Variants in LPP observed in about 807,000 individuals in gnomAD.
The protein encoded by LPP is LIM domain containing preferred translocation partner in lipoma.
LPP carries 38 observed loss-of-function variants against 60.4 expected under a neutral mutation model. The observed-to-expected ratio is 0.63, with a 90% CI of 0.49 to 0.83. LPP has a LOEUF of 0.83. Among genes scored for constraint, LPP ranks in the 40% least tolerant of loss-of-function variants. The probability of loss-of-function intolerance (pLI) is 0.00; values close to 1 mark genes in which losing one functional copy is unlikely to be tolerated. For missense variants in LPP, 902 were observed against 783.6 expected, an observed-to-expected ratio of 1.15 and a Z score of -1.80; for synonymous variants, 328 against 290.8, an observed-to-expected ratio of 1.13 and a Z score of -1.30.
chr3:188,679,169 G>GT (rs1383095899), intron 7 of LPP, among the ~76,000 whole-genome samples: 1 of 152,206 alleles, frequency 6.6e-6, no homozygotes, highest in Non-Finnish European at 1.5e-5. Context: ...AACAAGCCAT[G>GT]TGACTGTGGA....
Position 188,533,911 on chromosome 3 carries a change from T to A in LPP, c.429+9124T>A, listed in dbSNP as rs140550119. On this transcript the variant is annotated intron_variant, in intron 6 of 11. Transcript: ENST00000617246. ...TAACATTTATACCTCATCATTTTTT[T>A]AGAAGATGATGTGTTTGTGTCATGC... 2.0e-3 allele frequency among the ~76,000 whole-genome samples: 312 copies of A among 152,364 alleles called. 4 individuals are homozygous for A. Among genetic ancestry groups the A allele is most frequent in the African/African-American group, 7.1e-3 (296 of 41,584 alleles).
In LPP at chr3:188,881,403, T is replaced by C. The variant is rs953431589; in HGVS notation, c.*6924T>C. ...ATGTCCTATCACTCTCTGCTGCTTCTTTAAACAGTGGACACAAACATATTT... is the reference window on the plus strand; with the variant it reads ...ATGTCCTATCACTCTCTGCTGCTTCCTTAAACAGTGGACACAAACATATTT... On this transcript the variant is annotated 3_prime_UTR_variant, in exon 12 of 12. Coordinates refer to ENST00000617246, the MANE Select transcript of LPP (RefSeq NM_001375462.1). 1 of 204,330 alleles carries C rather than the reference T, an allele frequency of 4.9e-6. No individual in the cohort carries two copies. Among genetic ancestry groups the C allele is most frequent in the South Asian group, 1.9e-4 (1 of 5,294 alleles). The allele number at this position is 204,330 out of a possible 1,614,324, so 12.7% of individuals were successfully genotyped here. A position where few individuals can be genotyped will look rare whatever the true frequency, so the allele number is the denominator to read the frequency against.
intron 8 of LPP, chr3:188,708,949 G>A (rs896352725): frequency 6.6e-6 from 1 of 152,508 alleles, no homozygotes; most frequent in Non-Finnish European, 1.5e-5. Context: ...CTTCCCATTA[G>A]GCAGAAATAG....
intron 1 of LPP, among the ~76,000 whole-genome samples, chr3:188,193,188 G>A (rs953474339): frequency 6.6e-6 from 1 of 152,200 alleles, no homozygotes; most frequent in African/African-American, 2.4e-5. Flanking sequence ...GTGTTGGTTT[G>A]TGTGTCTTTC....
chr3:188,627,932 A>AATAAAAAT (rs1449447363), intron 7 of LPP, among the ~76,000 whole-genome samples: 6 of 152,194 alleles, frequency 3.9e-5, no homozygotes, highest in Non-Finnish European at 8.8e-5. Context: ...ACCACAGTGC[A>AATAAAAAT]ATAAAAATAT....
intron 2 of LPP, among the ~76,000 whole-genome samples, chr3:188,249,063 A>C (rs1415625398): frequency 1.3e-5 from 2 of 152,108 alleles, no homozygotes; most frequent in African/African-American, 4.8e-5. Flanking sequence ...GTTTTAGAAG[A>C]AGAAATTTTA....
At chr3:188,835,328 G>T (rs913704397) in intron 9 of LPP, among the ~76,000 whole-genome samples, 3 of 150,980 alleles carry the variant, frequency 2.0e-5, no homozygotes, top group African/African-American at 7.3e-5. Flanking sequence ...AATCAGCTGG[G>T]CATGGTGGCA....
At chr3:188,334,580 G>T (rs1307540247) in intron 2 of LPP, among the ~76,000 whole-genome samples, 1 of 151,862 alleles carries the variant, frequency 6.6e-6, no homozygotes, top group Admixed American at 6.6e-5. Context: ...ACAGACGCGC[G>T]CTACCACGCC....
intron 5 of LPP, among the ~76,000 whole-genome samples, chr3:188,509,679 TTC>T (rs559214560): frequency 0.29 from 20,063 of 69,334 alleles, 2,546 homozygotes; most frequent in Non-Finnish European, 0.37. Context: ...CCTTCCTTCC[TTC>T]CTTCCTCTCT....
At chr3:188,607,236 A>G (rs967025018) in intron 6 of LPP, among the ~76,000 whole-genome samples, 2 of 151,176 alleles carry the variant, frequency 1.3e-5, no homozygotes, top group Non-Finnish European at 3.0e-5. Context: ...GCTTTCTTCT[A>G]GGAAATACCT....
intron 3 of LPP, among the ~76,000 whole-genome samples, chr3:188,386,818 G>A (rs997033361): frequency 1.3e-5 from 2 of 152,120 alleles, no homozygotes; most frequent in Non-Finnish European, 2.9e-5. Context: ...AAAGCATTTT[G>A]CAGGGTTTTC....
intron 7 of LPP, among the ~76,000 whole-genome samples, chr3:188,696,222 A>ACTCT (rs147482649): frequency 2.2e-3 from 335 of 148,910 alleles, no homozygotes; most frequent in African/African-American, 7.7e-3. Context: ...AGCACACAGT[A>ACTCT]CTCTCTCTCT....
Position 188,760,100 on chromosome 3 carries a change from C to CT in LPP, c.1241-5dup, listed in dbSNP as rs201346745. ...CTCCTTGGTGTGTTCTTATCAAACC[C>CT]TTTTTTTTCCAGGCCGCTGTGCTCG... On this transcript the variant is annotated splice_polypyrimidine_tract_variant and intron_variant, in intron 8 of 11. Coordinates refer to ENST00000617246, the MANE Select transcript of LPP (RefSeq NM_001375462.1). The CT allele has an allele frequency of 2.7e-4, 429 of 1,611,932 alleles. 3 individuals are homozygous for CT. The highest frequency in any genetic ancestry group is 2.0e-3 in the Admixed American group (118 of 59,910).
In LPP at chr3:188,378,508, G is replaced by A. The variant is rs368071351; in HGVS notation, c.-9-27604G>A. Among the ~76,000 whole-genome samples, 24 of 152,304 alleles carry A rather than the reference G, an allele frequency of 1.6e-4. 3 individuals are homozygous for A. The highest frequency in any genetic ancestry group is 3.9e-4 in the East Asian group (2 of 5,178). On this transcript the variant is annotated intron_variant, in intron 3 of 11. Coordinates refer to ENST00000617246, the MANE Select transcript of LPP (RefSeq NM_001375462.1). ...AGACTCCATGGGCTTAGGACCCTCC[G>A]AGCCAGGTGGGGGATATAATCTCCT...
chr3:188,693,645 C>A (rs1327847413), intron 7 of LPP, among the ~76,000 whole-genome samples: 3 of 152,160 alleles, frequency 2.0e-5, no homozygotes, highest in Non-Finnish European at 4.4e-5. Flanking sequence ...GGCACCAGCG[C>A]AGCCCGACAG....
chr3:188,460,423 C>T (rs1798720214), intron 4 of LPP, among the ~76,000 whole-genome samples: 1 of 152,098 alleles, frequency 6.6e-6, no homozygotes, highest in South Asian at 2.1e-4. Flanking sequence ...ATATTTCATC[C>T]AGGAGAAGTT....
At chr3:188,608,058 C>A (rs1215248670) in intron 6 of LPP, among the ~76,000 whole-genome samples, 1 of 152,088 alleles carries the variant, frequency 6.6e-6, no homozygotes. Flanking sequence ...GTCCCCCAGT[C>A]TGGTAGAGAA....
chr3:188,611,166 G>T (rs1383736515), intron 7 of LPP, among the ~76,000 whole-genome samples: 1 of 152,214 alleles, frequency 6.6e-6, no homozygotes, highest in African/African-American at 2.4e-5. Context: ...AGTGGGGACT[G>T]TGAAGAGCTG....
chr3:188,751,661 T>C (rs1316469769), intron 8 of LPP, among the ~76,000 whole-genome samples: 3 of 152,200 alleles, frequency 2.0e-5, no homozygotes, highest in Admixed American at 6.5e-5. Flanking sequence ...TAAGCCCCAA[T>C]TCCAGCTTCA....
Sources: allele counts gnomAD v4.1 joint callset (sites outside exome capture counted in the v4.1 genomes callset), GRCh38; gene constraint gnomAD v4.1.1; transcripts MANE v1.5; gene names NCBI Gene and HGNC (gene_info 2026-07-23, HGNC 2026-07-21).